Variants in MKX observed in about 807,000 individuals in gnomAD.
MKX encodes the protein mohawk homeobox.
In MKX, 13 loss-of-function variants were observed where a neutral mutation model predicts 36.0. That is an observed-to-expected ratio of 0.36 (90% CI 0.24 to 0.57). The LOEUF is 0.57. MKX is among the 20% of genes least tolerant of loss of function. MKX has a pLI of 0.79. For synonymous variants in MKX, 176 were observed against 178.3 expected (o/e 0.99, Z 0.10); for missense variants, 458 against 456.4 (o/e 1.00, Z -0.03).
chr10:27,726,036 T>A (rs1834482084), intron 5 of MKX, among the ~76,000 whole-genome samples: 1 of 152,156 alleles, frequency 6.6e-6, no homozygotes, highest in Admixed American at 6.6e-5. Flanking sequence ...AACAAGCACT[T>A]CTGTGAAGCT....
Position 27,734,542 on chromosome 10 carries a change from G to T in MKX, c.752C>A (p.Ser251Ter). Residue 251 changes from serine to a stop codon, truncating the protein, a stop_gained, in exon 5 of 7, where the codon TCG becomes TAG. Transcript: ENST00000419761. LOFTEE classifies it high-confidence loss of function. ...MMGKTRQRNH[S>*]GSFSSNEFEE... is the part of the protein sequence containing the mutation. ...AAATTCATTGGAGCTAAAAGATCCC[G>T]AGTGGTTTCTTTGCCTTGTTTTTCC... 2 of 1,614,166 alleles carry T rather than the reference G, an allele frequency of 1.2e-6. No homozygotes were observed. The highest frequency in any genetic ancestry group is 1.7e-6 in the Non-Finnish European group (2 of 1,180,018).
At chr10:27,685,890 G>A (rs534992458) in intron 5 of MKX, among the ~76,000 whole-genome samples, 21 of 152,044 alleles carry the variant, frequency 1.4e-4, no homozygotes, top group Non-Finnish European at 2.5e-4. Context: ...CCTCTCTTTG[G>A]GACAGTTAGA....
In MKX at chr10:27,675,493, G is replaced by C. The variant is rs756049701; in HGVS notation, c.872+28C>G. 20 of 1,614,032 alleles carry C rather than the reference G, an allele frequency of 1.2e-5. No homozygotes were observed. In the East Asian group the frequency reaches 1.3e-4, roughly 11 times the overall value. ...TGAAAATGCCATCGCTGAAAAGCAG[G>C]AACGGCCAATGGGAACATTTTGCTC... is the stretch of plus-strand genomic sequence containing the variant. On this transcript the variant is annotated intron_variant, in intron 6 of 6. Transcript: ENST00000419761.
At chr10:27,683,459 A>G (rs1052418355) in intron 5 of MKX, among the ~76,000 whole-genome samples, 1 of 152,218 alleles carries the variant, frequency 6.6e-6, no homozygotes, top group African/African-American at 2.4e-5. Flanking sequence ...GCCTGATGAT[A>G]CACTTGCATT....
chr10:27,676,598 G>A (rs148492904), intron 5 of MKX, among the ~76,000 whole-genome samples: 8 of 151,900 alleles, frequency 5.3e-5, no homozygotes, highest in Non-Finnish European at 1.0e-4. Context: ...GGCTGATCTC[G>A]AACTCCTGAC....
Position 27,675,531 on chromosome 10 carries a change from T to C in MKX, c.862A>G (p.Lys288Glu), listed in dbSNP as rs1176981901. The C allele has an allele frequency of 1.2e-6, 2 of 1,613,882 alleles. No homozygotes were observed. The highest frequency in any genetic ancestry group is 2.7e-5 in the African/African-American group (2 of 74,896). The part of the protein sequence containing the change: ...RTDTLENGSN[K>E]GESAANRKGP... ...GAACATTTTGCTCACCTTTCACCCTTATTGGATCCGTTTTCCAGAGTGTCT... is the reference window on the plus strand; with the variant it reads ...GAACATTTTGCTCACCTTTCACCCTCATTGGATCCGTTTTCCAGAGTGTCT... The change falls in exon 6 of 7, where the codon AAG becomes GAG. Residue 288 changes from lysine (K) to glutamate (E), a missense_variant. By Grantham distance (56) the Lys-to-Glu change is moderately conservative (BLOSUM62 1). This residue lies in a region of MKX where 297 missense variants were observed against 304.4 expected (regional missense o/e 0.98). Coordinates refer to ENST00000419761, the MANE Select transcript of MKX (RefSeq NM_173576.3).
Position 27,724,791 on chromosome 10 carries a change from A to ACC in MKX, c.838+9663_838+9664dup, listed in dbSNP as rs1554773427. Reference sequence around the variant, plus strand: ...CACACACACACACACACACACACACACCCCGCAGAAACCTTTGGCCACCAG... The same window carrying ACC: ...CACACACACACACACACACACACACACCCCCCGCAGAAACCTTTGGCCACCAG... On this transcript the variant is annotated intron_variant, in intron 5 of 6. Transcript: ENST00000419761. 3.9e-3 allele frequency among the ~76,000 whole-genome samples: 575 copies of ACC among 147,866 alleles called. 7 individuals carry two copies. The highest frequency in any genetic ancestry group is 0.019 in the East Asian group (93 of 5,018).
chr10:27,737,941 C>T (rs1451821704), intron 3 of MKX, among the ~76,000 whole-genome samples: 1 of 152,064 alleles, frequency 6.6e-6, no homozygotes, highest in Non-Finnish European at 1.5e-5. Flanking sequence ...CACTACCCTT[C>T]TAACAGATAA....
chr10:27,732,937 T>G (rs372585086), intron 5 of MKX, among the ~76,000 whole-genome samples: 2 of 151,998 alleles, frequency 1.3e-5, no homozygotes, highest in African/African-American at 4.8e-5. Context: ...TTTGTAGCAA[T>G]GGGGGTCTCA....
chr10:27,684,732 A>G (rs1836312263), intron 5 of MKX, among the ~76,000 whole-genome samples: 1 of 152,238 alleles, frequency 6.6e-6, no homozygotes, highest in Non-Finnish European at 1.5e-5. Flanking sequence ...AGCAGTGCAA[A>G]TGTTGCAAGA....
chr10:27,721,533 C>A (rs1412508130), intron 5 of MKX, among the ~76,000 whole-genome samples: 1 of 152,140 alleles, frequency 6.6e-6, no homozygotes, highest in Non-Finnish European at 1.5e-5. Context: ...GAACAGAAAA[C>A]CAAACACAGC....
rs1364107615 is a variant in MKX, at chr10:27,744,422, G to C, written c.-82-925C>G. Among the ~76,000 whole-genome samples the C allele has an allele frequency of 3.3e-5, 5 of 152,240 alleles. No individual in the cohort carries two copies. The highest frequency in any genetic ancestry group is 1.2e-4 in the African/African-American group (5 of 41,550). On this transcript the variant is annotated intron_variant, in intron 1 of 6. Transcript: ENST00000419761. The surrounding 1 kb of genome is among the most constrained non-coding windows in gnomAD (Gnocchi z 5.6). ...AGGCAGCTTGGTCGGCGCACCTCCCGGGCCACTGCTGCCACTGTCGGGGAG... is the reference window on the plus strand; with the variant it reads ...AGGCAGCTTGGTCGGCGCACCTCCCCGGCCACTGCTGCCACTGTCGGGGAG...
At chr10:27,703,411 T>G (rs201557332) in intron 5 of MKX, among the ~76,000 whole-genome samples, 1 of 6,492 alleles carries the variant, frequency 1.5e-4, no homozygotes, top group South Asian at 3.5e-3. Context: ...TCTAAAACCA[T>G]AATATGAGCA....
chr10:27,702,720 T>A (rs1439321178), intron 5 of MKX, among the ~76,000 whole-genome samples: 2 of 152,154 alleles, frequency 1.3e-5, no homozygotes, highest in Admixed American at 6.5e-5. Context: ...TCAGAATTAG[T>A]TTGCAGAAGA....
chr10:27,694,499 C>T (rs2815567), intron 5 of MKX, among the ~76,000 whole-genome samples: 113,614 of 141,582 alleles, frequency 0.8, 45,554 homozygotes, highest in Admixed American at 0.84. Context: ...GCTAACACAG[C>T]GAAACCCCGT....
At chr10:27,725,554 T>C (rs1284293650) in intron 5 of MKX, among the ~76,000 whole-genome samples, 1 of 151,916 alleles carries the variant, frequency 6.6e-6, no homozygotes, top group Non-Finnish European at 1.5e-5. Context: ...AGAAAGCACA[T>C]ATTTACCCTG....
chr10:27,676,829 G>A lies in MKX; in HGVS notation c.839-1275C>T, dbSNP rs975489844. On this transcript the variant is annotated intron_variant, in intron 5 of 6. Coordinates refer to ENST00000419761, the MANE Select transcript of MKX (RefSeq NM_173576.3). ...ATTGGTCCTCAATTTCCAAAACAAC[G>A]CCTCCTCCTGCTGCTGCAGGAAATG... Among the ~76,000 whole-genome samples, 64 of 152,124 alleles carry A rather than the reference G, an allele frequency of 4.2e-4. 1 individual carries two copies. The highest frequency in any genetic ancestry group is 3.7e-4 in the Non-Finnish European group (25 of 68,018).
At chr10:27,681,078 T>C (rs1233876804) in intron 5 of MKX, among the ~76,000 whole-genome samples, 1 of 152,180 alleles carries the variant, frequency 6.6e-6, no homozygotes, top group Non-Finnish European at 1.5e-5. Context: ...AGCTGAAAAA[T>C]TCCTATCACC....
chr10:27,675,075 C>G lies in MKX; in HGVS notation c.*154G>C. 1.7e-6 allele frequency: 1 copy of G among 604,116 alleles called. No individual in the cohort carries two copies. Among genetic ancestry groups the G allele is most frequent in the Non-Finnish European group, 2.7e-6 (1 of 374,142 alleles). 37.4% of individuals were successfully genotyped at this position (604,116 alleles called of 1,614,324 possible). The stretch of plus-strand genomic sequence containing the variant: ...AATGAGTTTTTTATAATTTATATGT[C>G]TTTTATAGAAGCAACTAAATGATAT... On this transcript the variant is annotated 3_prime_UTR_variant, in exon 7 of 7. Coordinates refer to ENST00000419761, the MANE Select transcript of MKX (RefSeq NM_173576.3).
Sources: gnomAD v4.1 joint callset for allele counts (sites outside exome capture counted in the v4.1 genomes callset) on GRCh38, gnomAD v4.1.1 for gene constraint, gnomAD v4.1.1 regional missense constraint, Gnocchi (gnomAD v3.1) non-coding constraint, MANE v1.5 for transcripts, NCBI Gene and HGNC (gene_info 2026-07-23, HGNC 2026-07-21) for gene names.